Variants in APBA1 observed in about 807,000 individuals in gnomAD.
APBA1 encodes amyloid-beta A4 precursor protein-binding family A member 1.
In APBA1, 55 loss-of-function variants were observed where a neutral mutation model predicts 86.6. The observed-to-expected ratio is 0.64, with a 90% CI of 0.51 to 0.80. The LOEUF (loss-of-function observed/expected upper bound fraction) is 0.80, where lower values mean the gene tolerates loss of function less well. APBA1 is among the 30% of genes least tolerant of loss of function. The pLI, the probability that APBA1 is intolerant of heterozygous loss-of-function variation, is 0.00. For missense variants in APBA1, 1,090 were observed against 1,183.0 expected (o/e 0.92, Z 1.15); for synonymous variants, 511 against 493.9 (o/e 1.03, Z -0.46).
intron 1 of APBA1, among the ~76,000 whole-genome samples, chr9:69,566,204 A>G (rs1341652849): frequency 1.3e-5 from 2 of 151,978 alleles, no homozygotes; most frequent in Non-Finnish European, 2.9e-5. Flanking sequence ...AGCAACATAC[A>G]CTCCTGTTTT....
chr9:69,602,745 G>A (rs1456135023), intron 1 of APBA1, among the ~76,000 whole-genome samples: 1 of 152,058 alleles, frequency 6.6e-6, no homozygotes, highest in Non-Finnish European at 1.5e-5. Flanking sequence ...TTAGGCCCTG[G>A]GGGAGAGATT....
rs1412775759 is a variant in APBA1 at position 69,523,516 on chromosome 9, T to C, written c.-69-6237A>G. On this transcript the variant is annotated intron_variant, in intron 1 of 12. Coordinates refer to ENST00000265381, the MANE Select transcript of APBA1 (RefSeq NM_001163.4). ...ATATATGTATATATATATATATATA[T>C]ATATATATATATATATAGACACACA... 1.9e-3 allele frequency among the ~76,000 whole-genome samples: 55 copies of C among 28,414 alleles called. 3 individuals carry two copies. In the East Asian group the frequency reaches 0.037, roughly 19 times the overall value. The allele number at this position is 28,414 out of a possible 152,430, so 18.6% of individuals were successfully genotyped here. A position where few individuals can be genotyped will look rare whatever the true frequency, so the allele number is the denominator to read the frequency against.
intron 2 of APBA1, among the ~76,000 whole-genome samples, chr9:69,490,030 G>A (rs1055117895): frequency 3.0e-4 from 45 of 152,190 alleles, no homozygotes; most frequent in African/African-American, 8.4e-4. Context: ...GCACACGTAT[G>A]TTTATTGCAG....
chr9:69,486,224 T>C (rs1017631360), intron 2 of APBA1, among the ~76,000 whole-genome samples: 2 of 152,066 alleles, frequency 1.3e-5, no homozygotes, highest in African/African-American at 2.4e-5. Context: ...AGTGCTGGGA[T>C]TACAGGCATG....
At chr9:69,549,186 G>T (rs774200046) in intron 1 of APBA1, among the ~76,000 whole-genome samples, 15 of 152,182 alleles carry the variant, frequency 9.9e-5, no homozygotes, top group Non-Finnish European at 1.8e-4. Flanking sequence ...GCCGTTGCAG[G>T]CTCTCACTTT....
rs113350040 is a variant in APBA1, at chr9:69,574,195, G to A, written c.-69-56916C>T. Among the ~76,000 whole-genome samples, 1,296 of 152,204 alleles carry A rather than the reference G, an allele frequency of 8.5e-3. 17 individuals carry two copies. Among genetic ancestry groups the A allele is most frequent in the African/African-American group, 0.029 (1,222 of 41,514 alleles). On this transcript the variant is annotated intron_variant, in intron 1 of 12. Transcript: ENST00000265381. ...CTTCAAAACATGGTGCATCCCCCTGGCCTTGCATAGGAATCACCTGGGTCC... is the reference window on the plus strand; with the variant it reads ...CTTCAAAACATGGTGCATCCCCCTGACCTTGCATAGGAATCACCTGGGTCC...
At chr9:69,468,536 G>A (rs1170903329) in intron 4 of APBA1, among the ~76,000 whole-genome samples, 1 of 152,144 alleles carries the variant, frequency 6.6e-6, no homozygotes, top group African/African-American at 2.4e-5. Context: ...TCCTGTAATG[G>A]CTTCTGACCT....
intron 1 of APBA1, among the ~76,000 whole-genome samples, chr9:69,590,072 T>G (rs1327459999): frequency 6.6e-6 from 1 of 152,178 alleles, no homozygotes; most frequent in Non-Finnish European, 1.5e-5. Flanking sequence ...CAATGACACC[T>G]GCTTCAGCAC....
At chr9:69,462,789 G>C (rs1835211678) in intron 5 of APBA1, 1 of 152,212 alleles carries the variant, frequency 6.6e-6, no homozygotes, top group Non-Finnish European at 1.5e-5. Context: ...CTAAGGCAGT[G>C]GTTCCCAAAC....
At chr9:69,435,008 A>T (rs1834679365) in intron 11 of APBA1, among the ~76,000 whole-genome samples, 3 of 129,594 alleles carry the variant, frequency 2.3e-5, no homozygotes, top group Non-Finnish European at 4.6e-5. Flanking sequence ...ATGTGTTCTC[A>T]TTGTTCAATT....
chr9:69,558,625 G>A (rs1185382021), intron 1 of APBA1, among the ~76,000 whole-genome samples: 2 of 151,492 alleles, frequency 1.3e-5, no homozygotes, highest in Non-Finnish European at 2.9e-5. Flanking sequence ...AGGGGTACAT[G>A]TGCAGGTTTG....
chr9:69,443,429 G>T (rs535278993), intron 10 of APBA1, among the ~76,000 whole-genome samples: 71 of 152,324 alleles, frequency 4.7e-4, no homozygotes, highest in African/African-American at 1.7e-3. Flanking sequence ...GCAGGCGCTG[G>T]CAAGGGTGGG....
intron 1 of APBA1, among the ~76,000 whole-genome samples, chr9:69,596,660 A>C (rs1398520442): frequency 6.6e-6 from 1 of 152,148 alleles, no homozygotes; most frequent in Non-Finnish European, 1.5e-5. Context: ...CAGATGTTGC[A>C]TTCTGTTTAC....
chr9:69,457,147 GA>G lies in APBA1; in HGVS notation c.1516-9del, dbSNP rs573820967. 6.2e-7 allele frequency: 1 copy of G among 1,612,218 alleles called. No homozygotes were observed. Among genetic ancestry groups the G allele is most frequent in the Non-Finnish European group, 8.5e-7 (1 of 1,178,310 alleles). Reference sequence around the variant, plus strand: ...AGATTCGCCTTCAGGAGCCTGAGAAGAAAAAATGCACCAAGAGAAAGTTTGA... The same window carrying G: ...AGATTCGCCTTCAGGAGCCTGAGAAGAAAAATGCACCAAGAGAAAGTTTGA... On this transcript the variant is annotated splice_polypyrimidine_tract_variant and intron_variant, in intron 6 of 12. Transcript: ENST00000265381.
intron 1 of APBA1, among the ~76,000 whole-genome samples, chr9:69,520,245 C>T (rs138512596): frequency 6.2e-4 from 95 of 152,272 alleles, no homozygotes; most frequent in African/African-American, 1.9e-3. Context: ...GTTCTCCATA[C>T]GCTGGCAACT....
At position 69,652,641 on chromosome 9, in the gene APBA1, T is replaced by C. The variant is rs186858477; in HGVS notation, c.-70+19512A>G. Among the ~76,000 whole-genome samples the C allele has an allele frequency of 2.4e-3, 361 of 152,310 alleles. 2 individuals carry two copies. The highest frequency in any genetic ancestry group is 8.3e-3 in the African/African-American group (346 of 41,558). On this transcript the variant is annotated intron_variant, in intron 1 of 12. Coordinates refer to ENST00000265381, the MANE Select transcript of APBA1 (RefSeq NM_001163.4). ...CTTATCTGTCAATAATAACCTTGAA[T>C]ATAAATTAATTAAATTTTCCAATTA...
intron 1 of APBA1, among the ~76,000 whole-genome samples, chr9:69,614,468 A>G (rs1199554604): frequency 6.6e-6 from 1 of 152,216 alleles, no homozygotes; most frequent in African/African-American, 2.4e-5. Flanking sequence ...ATGTAAATTC[A>G]TAGAAGTCTA....
intron 1 of APBA1, among the ~76,000 whole-genome samples, chr9:69,565,132 C>T (rs1837004986): frequency 6.6e-6 from 1 of 152,050 alleles, no homozygotes; most frequent in South Asian, 2.1e-4. Context: ...AGGCAGAAAA[C>T]AAGACAGATT....
At chr9:69,635,715 T>C (rs1823143498) in intron 1 of APBA1, among the ~76,000 whole-genome samples, 1 of 152,070 alleles carries the variant, frequency 6.6e-6, no homozygotes, top group Non-Finnish European at 1.5e-5. Context: ...TGAGACAACA[T>C]ATATTTCAAG....
Sources: gnomAD v4.1 joint callset for allele counts (sites outside exome capture counted in the v4.1 genomes callset) on GRCh38, gnomAD v4.1.1 for gene constraint, MANE v1.5 for transcripts, NCBI Gene and HGNC (gene_info 2026-07-23, HGNC 2026-07-21) for gene names.